The following KIAA1217 variants were observed in gnomAD, a reference collection of about 807,000 sequenced individuals.
KIAA1217 encodes the protein KIAA1217.
Under a neutral mutation model 163.9 loss-of-function variants are expected in KIAA1217, and 88 were observed. The ratio of observed to expected loss-of-function variants is 0.54; its 90% CI spans 0.45 to 0.64. The LOEUF (loss-of-function observed/expected upper bound fraction) is 0.64. Ranked by LOEUF, KIAA1217 falls within the 30% of genes least tolerant of loss-of-function variation. The pLI is 0.00. For synonymous variants in KIAA1217, 903 were observed against 923.1 expected (o/e 0.98, Z 0.39); for missense variants, 2,372 against 2,475.0 (o/e 0.96, Z 0.88).
At chr10:23,832,527 G>A (rs1278471408) in intron 1 of KIAA1217, among the ~76,000 whole-genome samples, 2 of 152,090 alleles carry the variant, frequency 1.3e-5, no homozygotes, top group South Asian at 2.1e-4. Flanking sequence ...CAGGAGTAGG[G>A]CTGAAAGTTC....
chr10:24,295,191 C>T (rs565404988), intron 2 of KIAA1217, among the ~76,000 whole-genome samples: 1 of 152,172 alleles, frequency 6.6e-6, no homozygotes, highest in Non-Finnish European at 1.5e-5. Flanking sequence ...TATCTTAAGT[C>T]TCTTAAAATA....
intron 5 of KIAA1217, among the ~76,000 whole-genome samples, chr10:24,454,722 A>G (rs1263507983): frequency 6.6e-6 from 1 of 152,180 alleles, no homozygotes; most frequent in Non-Finnish European, 1.5e-5. Context: ...AACATGTTGT[A>G]GATGGTTGAC....
chr10:24,503,037 A>G (rs913406487), intron 9 of KIAA1217, among the ~76,000 whole-genome samples: 1 of 152,230 alleles, frequency 6.6e-6, no homozygotes, highest in East Asian at 1.9e-4. Flanking sequence ...ATGGGGATGC[A>G]ACCTCCTGAG....
intron 3 of KIAA1217, among the ~76,000 whole-genome samples, 172 bp from the exon 4 acceptor site, chr10:24,432,823 A>C (rs1001100005): frequency 6.6e-6 from 1 of 152,176 alleles, no homozygotes; most frequent in African/African-American, 2.4e-5. Context: ...GAGTACTTAC[A>C]CAATAACCAA....
chr10:23,898,958 C>T (rs780380166), intron 1 of KIAA1217, among the ~76,000 whole-genome samples: 30 of 152,086 alleles, frequency 2.0e-4, no homozygotes, highest in African/African-American at 7.0e-4. Context: ...GCATTATACC[C>T]ATGGGCTAAA....
chr10:23,977,417 T>G (rs986905082), intron 1 of KIAA1217, among the ~76,000 whole-genome samples: 3 of 152,180 alleles, frequency 2.0e-5, no homozygotes, highest in African/African-American at 7.2e-5. Context: ...TGCCTGAGGT[T>G]GTACAGCTAA....
intron 1 of KIAA1217, among the ~76,000 whole-genome samples, chr10:23,994,233 C>G (rs1846363122): frequency 6.6e-6 from 1 of 152,152 alleles, no homozygotes; most frequent in South Asian, 2.1e-4. Context: ...ACTATTGAAG[C>G]TGAACATGAC....
chr10:23,841,824 G>A (rs1838798431), intron 1 of KIAA1217, among the ~76,000 whole-genome samples: 3 of 142,868 alleles, frequency 2.1e-5, no homozygotes, highest in Admixed American at 7.1e-5. Flanking sequence ...CACACCATTG[G>A]GACTTTATTT....
At chr10:24,184,667 G>A (rs1021725767) in intron 2 of KIAA1217, among the ~76,000 whole-genome samples, 1 of 152,190 alleles carries the variant, frequency 6.6e-6, no homozygotes, top group South Asian at 2.1e-4. Context: ...CAGCCCATGG[G>A]GAGGTCACTG....
intron 1 of KIAA1217, among the ~76,000 whole-genome samples, chr10:23,937,423 C>A (rs1288598394): frequency 6.6e-6 from 1 of 152,124 alleles, no homozygotes; most frequent in Admixed American, 6.5e-5. Flanking sequence ...GCTCCAAATT[C>A]CCTGTGGTTG....
In KIAA1217 at chr10:24,391,623, G is replaced by T. The variant is rs548089150; in HGVS notation, c.553+10556G>T. ...GCCTCCCAAAGTGATGGGATTACAGGTGTGAGCCACCACACTTGGCCTAGG... is the reference window on the plus strand; with the variant it reads ...GCCTCCCAAAGTGATGGGATTACAGTTGTGAGCCACCACACTTGGCCTAGG... On this transcript the variant is annotated intron_variant, in intron 3 of 20. Coordinates refer to ENST00000376454, the MANE Select transcript of KIAA1217 (RefSeq NM_019590.5). 1.2e-4 allele frequency among the ~76,000 whole-genome samples: 18 copies of T among 152,250 alleles called. No homozygotes were observed. The South Asian group carries it at 3.7e-3, about 32-fold the overall frequency.
chr10:23,882,433 A>G (rs1033329138), intron 1 of KIAA1217, among the ~76,000 whole-genome samples: 6 of 151,938 alleles, frequency 3.9e-5, no homozygotes, highest in Admixed American at 3.3e-4. Context: ...TTGAAGGGGA[A>G]CTTGACAGAG....
chr10:24,090,513 A>T (rs1320046209), intron 2 of KIAA1217, among the ~76,000 whole-genome samples: 3 of 151,172 alleles, frequency 2.0e-5, no homozygotes, highest in African/African-American at 4.9e-5. Context: ...AAACAGAGCT[A>T]ATCTTTCCTT....
chr10:24,399,243 CTA>C (rs1209810139), intron 3 of KIAA1217, among the ~76,000 whole-genome samples: 10 of 152,108 alleles, frequency 6.6e-5, no homozygotes, highest in Non-Finnish European at 1.5e-4. Context: ...TTCTTAATGT[CTA>C]TTGCATTCTA....
intron 3 of KIAA1217, among the ~76,000 whole-genome samples, chr10:24,404,580 A>AC (rs2056984244): frequency 6.8e-6 from 1 of 147,486 alleles, no homozygotes; most frequent in Non-Finnish European, 1.5e-5. Context: ...AAAAAAAAAA[A>AC]AAAAAAAAAA....
intron 2 of KIAA1217, among the ~76,000 whole-genome samples, chr10:24,235,515 A>G (rs2131186177): frequency 6.6e-6 from 1 of 152,274 alleles, no homozygotes; most frequent in Admixed American, 6.5e-5. Context: ...TACCTTTTTC[A>G]TGTTTGACAG....
chr10:24,130,224 A>G (rs2131805208), intron 2 of KIAA1217, among the ~76,000 whole-genome samples: 2 of 152,266 alleles, frequency 1.3e-5, no homozygotes, highest in South Asian at 4.1e-4. Context: ...CTGGAGCGCA[A>G]TGGCGCAATC....
At chr10:24,326,151 C>G (rs999010601) in intron 2 of KIAA1217, among the ~76,000 whole-genome samples, 1 of 152,058 alleles carries the variant, frequency 6.6e-6, no homozygotes, top group Non-Finnish European at 1.5e-5. Context: ...GTTTTTACTT[C>G]GTTGTGTTTT....
intron 1 of KIAA1217, among the ~76,000 whole-genome samples, chr10:23,949,973 A>C (rs1006124540): frequency 7.9e-5 from 12 of 152,186 alleles, no homozygotes; most frequent in African/African-American, 2.9e-4. Flanking sequence ...TTGCATGCTT[A>C]TAAGACTCCT....
Sources: gnomAD v4.1 joint callset for allele counts (sites outside exome capture counted in the v4.1 genomes callset) on GRCh38, gnomAD v4.1.1 for gene constraint, MANE v1.5 for transcripts, NCBI Gene and HGNC (gene_info 2026-07-23, HGNC 2026-07-21) for gene names.